The following KIF14 variants were observed in gnomAD, a reference collection of about 807,000 sequenced individuals.
KIF14 encodes kinesin-like protein KIF14.
KIF14 carries 98 observed loss-of-function variants against 176.2 expected under a neutral mutation model. The ratio of observed to expected loss-of-function variants is 0.56; its 90% confidence interval spans 0.47 to 0.66. The LOEUF (loss-of-function observed/expected upper bound fraction) is 0.66. Among genes scored for constraint, KIF14 ranks in the 30% least tolerant of loss-of-function variants. The pLI is 0.00. For missense variants in KIF14, 1,751 were observed against 1,920.4 expected, an observed-to-expected ratio of 0.91 and a Z score of 1.65; for synonymous variants, 566 against 632.2, an observed-to-expected ratio of 0.90 and a Z score of 1.57.
chr1:200,580,561 A>T (rs1658388513), intron 20 of KIF14, among the ~76,000 whole-genome samples, 178 bp from the exon 21 acceptor site: 2 of 152,092 alleles, frequency 1.3e-5, no homozygotes, highest in Admixed American at 6.5e-5. Flanking sequence ...TAAAAATAAC[A>T]AAAATTTTTT....
At chr1:200,577,797 AT>A (rs1338748018) in intron 21 of KIF14, among the ~76,000 whole-genome samples, 1 of 151,642 alleles carries the variant, frequency 6.6e-6, no homozygotes, top group Non-Finnish European at 1.5e-5. Flanking sequence ...TTTGTTTTTA[AT>A]CAGTTATTCT....
chr1:200,576,951 T>C lies in KIF14; in HGVS notation c.3466-1260A>G, dbSNP rs141600823. Among the ~76,000 whole-genome samples, 1,230 of 152,042 alleles carry C rather than the reference T, an allele frequency of 8.1e-3. 11 individuals are homozygous for C. The highest frequency in any genetic ancestry group is 0.016 in the Admixed American group (238 of 15,246). On this transcript the variant is annotated intron_variant, in intron 21 of 29. Transcript: ENST00000367350. Reference sequence around the variant, plus strand: ...CTCAGGTAATCCTCTCACCGCAGCCTTCCAAGCAGCTGGGACTCCAGGCAC... The same window carrying C: ...CTCAGGTAATCCTCTCACCGCAGCCCTCCAAGCAGCTGGGACTCCAGGCAC...
At chr1:200,608,722 A>T (rs959936279) in intron 5 of KIF14, 108 bp downstream of exon 5, 3 of 660,220 alleles carry the variant, frequency 4.5e-6, no homozygotes, top group East Asian at 2.8e-5. Context: ...ATTTGCTTTC[A>T]TATAATTCTA....
At chr1:200,607,364 C>T (rs1659932859) in intron 5 of KIF14, among the ~76,000 whole-genome samples, 1 of 152,092 alleles carries the variant, frequency 6.6e-6, no homozygotes, top group South Asian at 2.1e-4. Flanking sequence ...GTCGGGAACT[C>T]CTGACCTCAA....
chr1:200,560,988 TG>T (rs1186552168), intron 25 of KIF14, 108 bp from the exon 26 acceptor site: 5 of 996,192 alleles, frequency 5.0e-6, no homozygotes, highest in Non-Finnish European at 7.6e-6. Flanking sequence ...TCCAGCAGTT[TG>T]GGAGGCCGAG....
At chr1:200,597,125 C>G (rs1659393234) in intron 14 of KIF14, among the ~76,000 whole-genome samples, 1 of 151,590 alleles carries the variant, frequency 6.6e-6, no homozygotes, top group Admixed American at 6.6e-5. Flanking sequence ...GACTCAAACT[C>G]CTGAGCCCAC....
chr1:200,616,979 C>G (rs1660433025), intron 2 of KIF14, among the ~76,000 whole-genome samples: 1 of 151,510 alleles, frequency 6.6e-6, no homozygotes, highest in Non-Finnish European at 1.5e-5. Context: ...TATGGCTCTT[C>G]TTTTTTTTGA....
rs2102782183 is a variant in KIF14, at chr1:200,615,707, C to T, written c.1113-98G>A. 9.6e-6 allele frequency: 10 copies of T among 1,037,148 alleles called. No homozygotes were observed. The South Asian group carries it at 1.7e-4, about 17-fold the overall frequency. 64.2% of individuals were successfully genotyped at this position (1,037,148 alleles called of 1,614,324 possible). On this transcript the variant is annotated intron_variant, in intron 2 of 29. Coordinates refer to ENST00000367350, the MANE Select transcript of KIF14 (RefSeq NM_014875.3). ...AATACCTCAAAACTATTTAAACAAT[C>T]TTCCAAGGCAAGATAATTCTGTAGT...
At chr1:200,566,228 T>C (rs12071262) in intron 23 of KIF14, among the ~76,000 whole-genome samples, 1,544 of 152,160 alleles carry the variant, frequency 0.01, 15 homozygotes, top group South Asian at 0.022. Context: ...ACGTAACCAC[T>C]GGGTTAATCT....
intron 5 of KIF14, among the ~76,000 whole-genome samples, chr1:200,608,020 A>G (rs1321515363): frequency 2.0e-5 from 3 of 152,034 alleles, no homozygotes; most frequent in Non-Finnish European, 2.9e-5. Flanking sequence ...ATTTTTGTTT[A>G]TTGTGCTCCA....
chr1:200,619,593 C>T (rs1171707955), intron 1 of KIF14, among the ~76,000 whole-genome samples: 1 of 152,260 alleles, frequency 6.6e-6, no homozygotes, highest in East Asian at 1.9e-4. Context: ...CCTTGTGATC[C>T]GCCCGCCTCG....
At chr1:200,576,676 A>G (rs2102635936) in intron 21 of KIF14, among the ~76,000 whole-genome samples, 1 of 152,262 alleles carries the variant, frequency 6.6e-6, no homozygotes, top group African/African-American at 2.4e-5. Context: ...AAAAGTTAAA[A>G]CCACTCATAA....
At chr1:200,584,067 C>A (rs1658606783) in intron 19 of KIF14, among the ~76,000 whole-genome samples, 2 of 151,824 alleles carry the variant, frequency 1.3e-5, no homozygotes, top group South Asian at 4.2e-4. Flanking sequence ...CATGGTGAAA[C>A]CCCATCGCTA....
chr1:200,605,450 T>C (rs1383060024), intron 7 of KIF14, 60 bp from the exon 8 acceptor site: 1 of 1,208,510 alleles, frequency 8.3e-7, no homozygotes, highest in African/African-American at 1.5e-5. Context: ...GATATAAAAA[T>C]TAAGAGAGAC....
In KIF14 at chr1:200,575,685, C is replaced by A. The variant is rs1658062245; in HGVS notation, c.3472G>T (p.Gly1158Cys). 1 of 1,525,452 alleles carries A rather than the reference C, an allele frequency of 6.6e-7. No individual in the cohort carries two copies. Among genetic ancestry groups the A allele is most frequent in the Non-Finnish European group, 8.9e-7 (1 of 1,125,630 alleles). The allele number at this position is 1,525,452 out of a possible 1,614,324, so 94.5% of individuals were successfully genotyped here. ...AAMKELYESN[G>C]SNRGEDAFCD... ...AAGGCATCTTCACCCCTGTTACTACCATTACTCTAAGAAAAATATAATATA... is the reference window on the plus strand; with the variant it reads ...AAGGCATCTTCACCCCTGTTACTACAATTACTCTAAGAAAAATATAATATA... Residue 1158 changes from glycine (G) to cysteine (C), a missense_variant, in exon 22 of 30, where the codon GGT becomes TGT. Physicochemically the swap from Gly to Cys is radical, Grantham distance 159. Coordinates refer to ENST00000367350, the MANE Select transcript of KIF14 (RefSeq NM_014875.3).
At chr1:200,601,126 G>A (rs768350951) in intron 11 of KIF14, among the ~76,000 whole-genome samples, 3 of 152,174 alleles carry the variant, frequency 2.0e-5, no homozygotes, top group African/African-American at 7.2e-5. Context: ...TAAGTAGTCC[G>A]CCTGCGTTAG....
rs1456397886 is a variant in KIF14 at position 200,618,217 on chromosome 1, A to G, written c.507T>C (p.Asn169=). 6.2e-7 allele frequency: 1 copy of G among 1,613,998 alleles called. No individual in the cohort carries two copies. The highest frequency in any genetic ancestry group is 8.5e-7 in the Non-Finnish European group (1 of 1,180,014). Residue 169 remains asparagine (N), a synonymous_variant, in exon 2 of 30, where the codon AAT becomes AAC. Coordinates refer to ENST00000367350, the MANE Select transcript of KIF14 (RefSeq NM_014875.3). ...AAGAGGCAACAAAAGAGTTTTTAGC[A>G]TTATTTACAATCCTTACATTTGTTC... ...ESRTNVRIVN[N]AKNSFVASSV...
Position 200,592,105 on chromosome 1 carries a change from C to A in KIF14, c.2788G>T (p.Glu930Ter). ...TGTGATCTCTGTGCCATGAGCAACT[C>A]ATTTTTTGCAAATTCAAAGTCTTTT... is the stretch of plus-strand genomic sequence containing the variant. Reference protein sequence around the residue: ...GPKDFEFAKNELLMAQRSQLE... With the variant: ...GPKDFEFAKN Residue 930 changes from glutamate (E) to a stop codon, truncating the protein, a stop_gained, in exon 16 of 30, where the codon GAG (glutamate) becomes TAG (stop). Coordinates refer to ENST00000367350, the MANE Select transcript of KIF14 (RefSeq NM_014875.3). LOFTEE classifies it high-confidence loss of function. 28 of 1,613,360 alleles carry A rather than the reference C, an allele frequency of 1.7e-5. No individual in the cohort carries two copies. The highest frequency in any genetic ancestry group is 2.4e-5 in the Non-Finnish European group (28 of 1,179,772).
intron 6 of KIF14, among the ~76,000 whole-genome samples, chr1:200,606,451 G>A (rs991811733): frequency 2.6e-5 from 4 of 152,042 alleles, no homozygotes; most frequent in African/African-American, 9.7e-5. Flanking sequence ...TGAAAGGAAG[G>A]GGTAAAAGAA....
Sources: gnomAD v4.1 joint callset for allele counts (sites outside exome capture counted in the v4.1 genomes callset) on GRCh38, gnomAD v4.1.1 for gene constraint, MANE v1.5 for transcripts, NCBI Gene and HGNC (gene_info 2026-07-23, HGNC 2026-07-21) for gene names.